The following SMCO4 variants were observed in gnomAD, a reference collection of about 807,000 sequenced individuals.
The protein encoded by SMCO4 is single-pass membrane protein with coiled-coil domains 4, also known as single-pass membrane and coiled-coil domain-containing protein 4.
SMCO4 carries 4 observed loss-of-function variants against 3.6 expected under a neutral mutation model. The observed-to-expected ratio is 1.11, with a 90% CI of 0.54 to 2.53. The LOEUF (loss-of-function observed/expected upper bound fraction) is 2.53. Among genes scored for constraint, SMCO4 ranks in the 30% most tolerant of loss-of-function variants. The probability of loss-of-function intolerance (pLI) is 0.02; values close to 1 mark genes in which losing one functional copy is unlikely to be tolerated. For synonymous variants in SMCO4, 36 were observed against 35.3 expected (o/e 1.02, Z -0.07); for missense variants, 70 against 80.8 (o/e 0.87, Z 0.51).
intron 1 of SMCO4, among the ~76,000 whole-genome samples, chr11:93,515,685 C>G (rs1428897018): frequency 6.6e-6 from 1 of 152,212 alleles, no homozygotes; most frequent in African/African-American, 2.4e-5. Context: ...CTCCTCCAGA[C>G]AGGAAACCAG....
At chr11:93,519,740 C>T (rs1458441862) in intron 1 of SMCO4, among the ~76,000 whole-genome samples, 3 of 152,176 alleles carry the variant, frequency 2.0e-5, no homozygotes, top group Admixed American at 1.3e-4. Flanking sequence ...AATGGCCAGC[C>T]TCAGATATAG....
chr11:93,530,858 C>T (rs144769560), intron 1 of SMCO4, among the ~76,000 whole-genome samples: 7 of 152,284 alleles, frequency 4.6e-5, no homozygotes, highest in East Asian at 1.9e-4. Flanking sequence ...CCCTCTGCTG[C>T]GGGACTCTTC....
intron 2 of SMCO4, among the ~76,000 whole-genome samples, chr11:93,482,189 C>CAGCAAGGGAAAGCATCTCTGAGAT (rs1948599334): frequency 6.6e-6 from 1 of 152,178 alleles, no homozygotes; most frequent in African/African-American, 2.4e-5. Context: ...TGAGCTGGGG[C>CAGCAAGGGAAAGCATCTCTGAGAT]AGCAAGGGAA....
intron 1 of SMCO4, chr11:93,535,613 T>C (rs1949214986): frequency 1.3e-6 from 2 of 1,568,966 alleles, no homozygotes; most frequent in Non-Finnish European, 1.8e-6. Flanking sequence ...GTGGAGGGCT[T>C]TGAGCCTGCA....
chr11:93,553,198 CTGAGG>C, the SMCO4 span, among the ~76,000 whole-genome samples: 1 of 152,302 alleles, frequency 6.6e-6, no homozygotes, highest in African/African-American at 2.4e-5. Context: ...AGTTCTTAAT[CTGAGG>C]TCCAGAGACT....
chr11:93,502,208 T>C (rs910488937), intron 1 of SMCO4, among the ~76,000 whole-genome samples: 7 of 152,126 alleles, frequency 4.6e-5, no homozygotes, highest in Admixed American at 3.9e-4. Flanking sequence ...ACCTCCCTCA[T>C]CCCATCAAAT....
chr11:93,524,383 A>G (rs1949086589), intron 1 of SMCO4, among the ~76,000 whole-genome samples: 1 of 152,154 alleles, frequency 6.6e-6, no homozygotes, highest in African/African-American at 2.4e-5. Context: ...CTTTCGGAAT[A>G]CAAGCTGATT....
chr11:93,500,696 T>C (rs1178651761), intron 1 of SMCO4, among the ~76,000 whole-genome samples: 2 of 152,188 alleles, frequency 1.3e-5, no homozygotes, highest in Non-Finnish European at 2.9e-5. Context: ...AAGAGATAAT[T>C]GCCATTCTGA....
intron 1 of SMCO4, among the ~76,000 whole-genome samples, chr11:93,508,407 A>C (rs2134606775): frequency 1.3e-5 from 2 of 152,372 alleles, no homozygotes; most frequent in South Asian, 4.1e-4. Context: ...AAGTATGATA[A>C]GAAGTCAAAC....
At chr11:93,552,575 G>A in the SMCO4 span, among the ~76,000 whole-genome samples, 8 of 151,492 alleles carry the variant, frequency 5.3e-5, no homozygotes, top group South Asian at 8.4e-4. Context: ...GGGTTCAAGC[G>A]ATTCTCCTGC....
At chr11:93,534,652 C>T (rs951290462) in intron 1 of SMCO4, among the ~76,000 whole-genome samples, 3 of 152,168 alleles carry the variant, frequency 2.0e-5, no homozygotes. Context: ...ACTCTGCAGT[C>T]CCTTCATCTC....
chr11:93,507,044 C>G (rs1290176318), intron 1 of SMCO4, among the ~76,000 whole-genome samples: 1 of 152,096 alleles, frequency 6.6e-6, no homozygotes, highest in Non-Finnish European at 1.5e-5. Context: ...ATACAGTGAG[C>G]CTGTTATTTC....
intron 1 of SMCO4, among the ~76,000 whole-genome samples, chr11:93,527,261 G>A (rs1037976505): frequency 6.6e-6 from 1 of 152,138 alleles, no homozygotes. Flanking sequence ...ACAGATCCCA[G>A]GAACCTGGGA....
rs142007303 is a variant in SMCO4 at position 93,502,691 on chromosome 11, T to C, written c.-153-3343A>G. Among the ~76,000 whole-genome samples, 52 of 152,332 alleles carry C rather than the reference T, an allele frequency of 3.4e-4. No individual in the cohort carries two copies. The East Asian group carries it at 8.3e-3, about 24-fold the overall frequency. ...CTTTGTAATTCCATTTCCAGAACTC[T>C]ACACTAAGGAACAAAACTTAATGCT... On this transcript the variant is annotated intron_variant, in intron 1 of 2. Transcript: ENST00000298966.
At chr11:93,538,220 C>A (rs903808338) in intron 1 of SMCO4, among the ~76,000 whole-genome samples, 1 of 152,192 alleles carries the variant, frequency 6.6e-6, no homozygotes, top group Admixed American at 6.5e-5. Context: ...AGACTGCACC[C>A]GTCAGAGGAG....
chr11:93,553,244 TC>T, the SMCO4 span, among the ~76,000 whole-genome samples: 3 of 152,220 alleles, frequency 2.0e-5, no homozygotes, highest in African/African-American at 7.2e-5. Context: ...GTGTCAGGGT[TC>T]AACAGATAAG....
intron 1 of SMCO4, among the ~76,000 whole-genome samples, chr11:93,512,069 T>C (rs1301991497): frequency 1.3e-5 from 2 of 152,248 alleles, no homozygotes; most frequent in African/African-American, 2.4e-5. Flanking sequence ...GTGATATTTC[T>C]GTGCCAGAAA....
intron 2 of SMCO4, among the ~76,000 whole-genome samples, chr11:93,488,556 AAAAG>A (rs1488357978): frequency 6.6e-6 from 1 of 152,102 alleles, no homozygotes; most frequent in Non-Finnish European, 1.5e-5. Flanking sequence ...GAGTGTGAAA[AAAAG>A]AAAACAGACT....
chr11:93,512,774 C>T (rs1022472025), intron 1 of SMCO4, among the ~76,000 whole-genome samples: 2 of 152,096 alleles, frequency 1.3e-5, no homozygotes, highest in Non-Finnish European at 2.9e-5. Context: ...CAGGATGTGT[C>T]CCTGTCATTA....
Sources: allele counts gnomAD v4.1 joint callset (sites outside exome capture counted in the v4.1 genomes callset), GRCh38; gene constraint gnomAD v4.1.1; transcripts MANE v1.5; gene names NCBI Gene and HGNC (gene_info 2026-07-23, HGNC 2026-07-21).